VAMP4: variants seen among roughly 807,000 people sequenced by gnomAD.
VAMP4 encodes vesicle associated membrane protein 4, also known as vesicle-associated membrane protein 4.
Under a neutral mutation model 23.5 loss-of-function variants are expected in VAMP4, and 19 were observed. The ratio of observed to expected loss-of-function variants is 0.81; its 90% CI spans 0.56 to 1.19. The LOEUF (loss-of-function observed/expected upper bound fraction) is 1.19, where lower values mean the gene tolerates loss of function less well. Ranked by LOEUF, VAMP4 falls within the 50% of genes most tolerant of loss-of-function variation. The pLI is 0.00. For missense variants in VAMP4, 145 were observed against 168.6 expected, an observed-to-expected ratio of 0.86 and a Z score of 0.78; for synonymous variants, 31 against 51.0, an observed-to-expected ratio of 0.61 and a Z score of 1.67.
At chr1:171,712,559 C>A (rs1654882518) in intron 4 of VAMP4, among the ~76,000 whole-genome samples, 2 of 152,148 alleles carry the variant, frequency 1.3e-5, no homozygotes, top group Admixed American at 1.3e-4. Context: ...TTTTTCACAG[C>A]ATCCCAGAGT....
At position 171,703,564 on chromosome 1, in the gene VAMP4, C is replaced by CAA. The variant is rs1424361311; in HGVS notation, c.*940_*941dup. On this transcript the variant is annotated 3_prime_UTR_variant, in exon 8 of 8. Coordinates refer to ENST00000236192, the MANE Select transcript of VAMP4 (RefSeq NM_003762.5). The stretch of plus-strand genomic sequence containing the variant: ...TCTCCTCAAGGATGAACAGGAAATG[C>CAA]AAAGATATAAAATTCAAAGTATTAA... The CAA allele has an allele frequency of 6.7e-6, 1 of 149,720 alleles. No individual in the cohort carries two copies. The highest frequency in any genetic ancestry group is 2.5e-5 in the African/African-American group (1 of 40,642). 9.3% of individuals were successfully genotyped at this position (149,720 alleles called of 1,614,324 possible).
In VAMP4 at chr1:171,731,647, T is replaced by C. The variant is rs573921695; in HGVS notation, c.67-3077A>G. On this transcript the variant is annotated intron_variant, in intron 2 of 7. Transcript: ENST00000236192. ...CTGGCACAGAAAAAGTCCAAGTGTA[T>C]TAGTTATTCACAATAAATGTGACTG... Among the ~76,000 whole-genome samples, 15 of 152,294 alleles carry C rather than the reference T, an allele frequency of 9.8e-5. 1 individual carries two copies. Among genetic ancestry groups the C allele is most frequent in the Admixed American group, 6.5e-4 (10 of 15,302 alleles).
intron 7 of VAMP4, among the ~76,000 whole-genome samples, chr1:171,705,357 C>T (rs1463532839): frequency 6.6e-6 from 1 of 152,110 alleles, no homozygotes; most frequent in African/African-American, 2.4e-5. Flanking sequence ...TTCAGCACCA[C>T]GTGTGGGGAC....
At position 171,710,834 on chromosome 1, in the gene VAMP4, CAATT is replaced by C. The variant is rs571712728; in HGVS notation, c.165-24_165-21del. ...TGAACACTAGTTTAAAAAAGATACA[CAATT>C]ATTTATCCTTCTTTTGAGAATGCTT... On this transcript the variant is annotated intron_variant, in intron 4 of 7. Transcript: ENST00000236192. The C allele has an allele frequency of 4.0e-5, 61 of 1,528,814 alleles. No homozygotes were observed. In the African/African-American group the frequency reaches 7.2e-4, roughly 18 times the overall value. 94.7% of individuals were successfully genotyped at this position (1,528,814 alleles called of 1,614,324 possible). A position where few individuals can be genotyped will look rare whatever the true frequency, so the allele number is the denominator to read the frequency against.
chr1:171,729,374 A>C (rs1655486002), intron 2 of VAMP4, among the ~76,000 whole-genome samples: 1 of 152,236 alleles, frequency 6.6e-6, no homozygotes, highest in Non-Finnish European at 1.5e-5. Flanking sequence ...ATTATGCTTC[A>C]TAAAGACCTT....
intron 4 of VAMP4, among the ~76,000 whole-genome samples, chr1:171,716,065 T>G (rs770392268): frequency 4.5e-4 from 68 of 152,304 alleles, no homozygotes; most frequent in Non-Finnish European, 5.3e-4. Flanking sequence ...TATCCCCATC[T>G]TCTGGTCTTT....
At chr1:171,705,747 C>T (rs1049079110) in intron 7 of VAMP4, among the ~76,000 whole-genome samples, 8 of 151,970 alleles carry the variant, frequency 5.3e-5, no homozygotes, top group Non-Finnish European at 1.2e-4. Flanking sequence ...TAGATACTTT[C>T]CAAAGCGTCA....
Position 171,704,507 on chromosome 1 carries a change from C to A in VAMP4, c.425G>T (p.Ter142LeuextTer8), listed in dbSNP as rs1413177349. The change falls in exon 8 of 8, where the codon TGA (stop) becomes TTA (leucine). Residue 142 changes from the stop codon to leucine (L), a stop_lost. Coordinates refer to ENST00000236192, the MANE Select transcript of VAMP4 (RefSeq NM_003762.5). ...TTAATGAAGATCTCTGTCATCAAAT[C>A]AAGTACGGTATTTCATGACTATAAG... ...IILIVMKYRT[*>L] is the part of the protein sequence containing the mutation. The A allele has an allele frequency of 1.3e-6, 2 of 1,582,350 alleles. No homozygotes were observed. The highest frequency in any genetic ancestry group is 2.3e-5 in the South Asian group (2 of 85,886).
intron 1 of VAMP4, 84 bp downstream of exon 1, chr1:171,741,826 G>T (rs895945614): frequency 1.3e-5 from 2 of 152,206 alleles, no homozygotes; most frequent in Admixed American, 1.3e-4. Flanking sequence ...TAGGACGTCG[G>T]GGGGCGGCAA....
At position 171,702,959 on chromosome 1, in the gene VAMP4, A is replaced by G. The variant is rs1011808462; in HGVS notation, c.*1547T>C. ...TCAAATTTTTTCCATTCTAAACAGC[A>G]TTTTTTGCCTCCTAGTAATAATCCT... On this transcript the variant is annotated 3_prime_UTR_variant, in exon 8 of 8. Transcript: ENST00000236192. 6.6e-6 allele frequency: 1 copy of G among 151,840 alleles called. No individual in the cohort carries two copies. The highest frequency in any genetic ancestry group is 1.5e-5 in the Non-Finnish European group (1 of 67,830). 9.4% of individuals were successfully genotyped at this position (151,840 alleles called of 1,614,324 possible).
chr1:171,737,618 C>T (rs1240912562), intron 2 of VAMP4, among the ~76,000 whole-genome samples: 1 of 152,154 alleles, frequency 6.6e-6, no homozygotes, highest in African/African-American at 2.4e-5. Context: ...TTTATTTACA[C>T]ACTTTATTTA....
chr1:171,740,162 A>G (rs974384424), intron 1 of VAMP4, among the ~76,000 whole-genome samples: 3 of 152,252 alleles, frequency 2.0e-5, no homozygotes, highest in Admixed American at 2.0e-4. Flanking sequence ...TCATTGAAAC[A>G]GCAGAGATAC....
intron 3 of VAMP4, among the ~76,000 whole-genome samples, chr1:171,720,869 T>C (rs1051615460): frequency 2.6e-5 from 4 of 151,976 alleles, no homozygotes; most frequent in African/African-American, 9.7e-5. Flanking sequence ...GACATAACTA[T>C]CAACCAACCA....
chr1:171,726,467 A>G (rs1241670389), intron 3 of VAMP4, among the ~76,000 whole-genome samples: 1 of 152,226 alleles, frequency 6.6e-6, no homozygotes, highest in Admixed American at 6.5e-5. Context: ...CTTGCCAAAT[A>G]TAAACCTAGA....
At chr1:171,721,743 C>G (rs369880274) in intron 3 of VAMP4, among the ~76,000 whole-genome samples, 3 of 151,882 alleles carry the variant, frequency 2.0e-5, no homozygotes, top group Non-Finnish European at 4.4e-5. Context: ...CACTGCTCAA[C>G]GAAATAAAAG....
intron 6 of VAMP4, among the ~76,000 whole-genome samples, chr1:171,708,038 G>A (rs1048064013): frequency 1.8e-4 from 28 of 152,032 alleles, no homozygotes; most frequent in African/African-American, 6.5e-4. Flanking sequence ...GGTGGCTCAT[G>A]CCTGTAATCC....
In VAMP4 at chr1:171,728,507, T is replaced by C. The variant is rs1372553957; in HGVS notation, c.113+17A>G. 4.6e-6 allele frequency: 7 copies of C among 1,511,502 alleles called. No homozygotes were observed. The highest frequency in any genetic ancestry group is 1.4e-5 in the African/African-American group (1 of 70,692). The allele number at this position is 1,511,502 out of a possible 1,614,324, so 93.6% of individuals were successfully genotyped here. A position where few individuals can be genotyped will look rare whatever the true frequency, so the allele number is the denominator to read the frequency against. On this transcript the variant is annotated intron_variant, in intron 3 of 7. Transcript: ENST00000236192. The stretch of plus-strand genomic sequence containing the variant: ...TATGTCAATTACACCCTAATAAAGC[T>C]GTAAAAAAAAACTTACAGAAAAAAG...
chr1:171,710,006 G>A (rs1224565242), intron 5 of VAMP4, among the ~76,000 whole-genome samples: 1 of 151,836 alleles, frequency 6.6e-6, no homozygotes, highest in East Asian at 1.9e-4. Flanking sequence ...AGTCTTTTTA[G>A]GGCCTTAATG....
In VAMP4 at chr1:171,724,127, G is replaced by C. The variant is rs959205658; in HGVS notation, c.113+4397C>G. 3.9e-5 allele frequency among the ~76,000 whole-genome samples: 6 copies of C among 152,190 alleles called. No individual in the cohort carries two copies. The South Asian group carries it at 6.2e-4, about 16-fold the overall frequency. On this transcript the variant is annotated intron_variant, in intron 3 of 7. Coordinates refer to ENST00000236192, the MANE Select transcript of VAMP4 (RefSeq NM_003762.5). ...AGAAAATGTGGCACATATACACCAT[G>C]GAATACTACGCAGCCATAAAAAAGG... is the stretch of plus-strand genomic sequence containing the variant.
Sources: allele counts gnomAD v4.1 joint callset (sites outside exome capture counted in the v4.1 genomes callset), GRCh38; gene constraint gnomAD v4.1.1; transcripts MANE v1.5; gene names NCBI Gene and HGNC (gene_info 2026-07-23, HGNC 2026-07-21).